Variants in EMC10 observed in about 807,000 individuals in gnomAD.
The protein encoded by EMC10 is ER membrane protein complex subunit 10.
EMC10 carries 40 observed loss-of-function variants against 32.2 expected under a neutral mutation model. The observed-to-expected ratio is 1.24, with a 90% CI of 0.96 to 1.61. The LOEUF (loss-of-function observed/expected upper bound fraction) is 1.61, where lower values mean the gene tolerates loss of function less well. Ranked by LOEUF, EMC10 falls within the 40% of genes most tolerant of loss-of-function variation. The pLI is 0.00. For missense variants in EMC10, 402 were observed against 357.7 expected (o/e 1.12, Z -1.00); for synonymous variants, 178 against 158.4 (o/e 1.12, Z -0.93).
rs1028222570 is a variant in EMC10 at position 50,488,047 on chromosome 19, C to G, written c.*5788C>G. The G allele has an allele frequency of 6.6e-6, 1 of 152,338 alleles. No homozygotes were observed. Among genetic ancestry groups the G allele is most frequent in the Non-Finnish European group, 1.5e-5 (1 of 68,358 alleles). 9.4% of individuals were successfully genotyped at this position (152,338 alleles called of 1,614,324 possible). On this transcript the variant is annotated 3_prime_UTR_variant, in exon 7 of 7. Transcript: ENST00000334976. ...GTGGCTCACGCCTGTAATCCCAGCA[C>G]TTTGGGAGGCCAAGGCAGGCAGATC...
chr19:50,480,819 G>A lies in EMC10; in HGVS notation c.584+57G>A, dbSNP rs528586712. 2.6e-6 allele frequency: 4 copies of A among 1,565,810 alleles called. No individual in the cohort carries two copies. Among genetic ancestry groups the A allele is most frequent in the Middle Eastern group, 1.7e-4 (1 of 5,812 alleles). ...CCACCTGCCCCGGCCCTTCCTGGCG[G>A]CCTCAGGGTCTCCAGGTCCCTGGAC... On this transcript the variant is annotated intron_variant, in intron 5 of 6. Transcript: ENST00000334976. This position sits in a 1 kb window ranked among gnomAD's most constrained non-coding sequence, Gnocchi z 4.4.
chr19:50,477,842 C>T, intron 1 of EMC10, 87 bp from the exon 2 acceptor site: 1 of 1,025,100 alleles, frequency 9.8e-7, no homozygotes, highest in Middle Eastern at 2.8e-4. Flanking sequence ...CCTCAGCCCA[C>T]CAGTCTGTCT....
At position 50,480,549 on chromosome 19, in the gene EMC10, C is replaced by T. The variant is rs1291392969; in HGVS notation, c.403-32C>T. 1 of 1,546,586 alleles carries T rather than the reference C, an allele frequency of 6.5e-7. No individual in the cohort carries two copies. The highest frequency in any genetic ancestry group is 2.0e-5 in the Admixed American group (1 of 50,526). ...TAGGGTGGAGCCCAGGCAGCAGGCT[C>T]CCCACCTCCACTGACCCCACTCCCC... On this transcript the variant is annotated intron_variant, in intron 4 of 6. Coordinates refer to ENST00000334976, the MANE Select transcript of EMC10 (RefSeq NM_206538.4). The surrounding 1 kb of genome is among the most constrained non-coding windows in gnomAD (Gnocchi z 4.4).
Position 50,483,257 on chromosome 19 carries a change from A to G in EMC10, c.*998A>G. On this transcript the variant is annotated 3_prime_UTR_variant, in exon 7 of 7. Coordinates refer to ENST00000334976, the MANE Select transcript of EMC10 (RefSeq NM_206538.4). The stretch of plus-strand genomic sequence containing the variant: ...TGCTCACTTGATACGTTATTCAGAA[A>G]CCCAAGGAATGGCTGTCCCCATCCT... The G allele has an allele frequency of 2.6e-6, 1 of 388,240 alleles. No individual in the cohort carries two copies. The allele number at this position is 388,240 out of a possible 1,614,324, so 24.0% of individuals were successfully genotyped here.
chr19:50,476,790 C>T, intron 1 of EMC10, 132 bp downstream of exon 1: 1 of 621,262 alleles, frequency 1.6e-6, no homozygotes, highest in East Asian at 3.3e-5. Flanking sequence ...CCTGGAAAGC[C>T]AGGCCTCAGT....
intron 2 of EMC10, 24 bp downstream of exon 2, chr19:50,478,025 T>C (rs778099678): frequency 6.3e-7 from 1 of 1,582,028 alleles, no homozygotes; most frequent in Non-Finnish European, 8.6e-7. Flanking sequence ...CGTCCTCTCC[T>C]AGACACTTAA....
intron 1 of EMC10, among the ~76,000 whole-genome samples, chr19:50,477,652 T>G (rs761889513): frequency 2.6e-5 from 4 of 152,102 alleles, no homozygotes; most frequent in Non-Finnish European, 5.9e-5. Context: ...CTCATGAGTA[T>G]TTGTGGCGCA....
intron 2 of EMC10, among the ~76,000 whole-genome samples, chr19:50,478,354 T>G (rs2040263465): frequency 6.6e-6 from 1 of 152,142 alleles, no homozygotes; most frequent in Non-Finnish European, 1.5e-5. Flanking sequence ...GTCAGCCCCT[T>G]TTTCCAGAAG....
intron 6 of EMC10, chr19:50,481,738 G>C (rs1387819572): frequency 1.3e-6 from 1 of 794,932 alleles, no homozygotes; most frequent in Non-Finnish European, 1.9e-6. Flanking sequence ...CTGAGGCCCA[G>C]AGGCTGAGCC....
At position 50,484,539 on chromosome 19, in the gene EMC10, G is replaced by C. The variant is rs765758553; in HGVS notation, c.*2280G>C. On this transcript the variant is annotated 3_prime_UTR_variant, in exon 7 of 7. Coordinates refer to ENST00000334976, the MANE Select transcript of EMC10 (RefSeq NM_206538.4). The stretch of plus-strand genomic sequence containing the variant: ...CTGTTGGGTATTCCAGGAAATGCCT[G>C]AGCTCCTTCAGGCTCCCCTAGCGTT... The C allele has an allele frequency of 2.0e-5, 3 of 152,186 alleles. No homozygotes were observed. Among genetic ancestry groups the C allele is most frequent in the Non-Finnish European group, 2.9e-5 (2 of 68,054 alleles). 9.4% of individuals were successfully genotyped at this position (152,186 alleles called of 1,614,324 possible). A position where few individuals can be genotyped will look rare whatever the true frequency, so the allele number is the denominator to read the frequency against.
Position 50,480,493 on chromosome 19 carries a change from C to G in EMC10, c.403-88C>G, listed in dbSNP as rs893501716. The G allele has an allele frequency of 6.9e-7, 1 of 1,449,574 alleles. No individual in the cohort carries two copies. Among genetic ancestry groups the G allele is most frequent in the African/African-American group, 1.4e-5 (1 of 70,372 alleles). 89.8% of individuals were successfully genotyped at this position (1,449,574 alleles called of 1,614,324 possible). A position where few individuals can be genotyped will look rare whatever the true frequency, so the allele number is the denominator to read the frequency against. Reference sequence around the variant, plus strand: ...CATGGGAAGGTTTTGAAAAATGCTCCGGGGGTCCTGTGGTGGGGGCCGGGG... The same window carrying G: ...CATGGGAAGGTTTTGAAAAATGCTCGGGGGGTCCTGTGGTGGGGGCCGGGG... On this transcript the variant is annotated intron_variant, in intron 4 of 6. Transcript: ENST00000334976. The surrounding 1 kb of genome is among the most constrained non-coding windows in gnomAD (Gnocchi z 4.4).
intron 3 of EMC10, 122 bp downstream of exon 3, chr19:50,479,188 A>G: frequency 1.4e-6 from 1 of 694,180 alleles, no homozygotes; most frequent in Non-Finnish European, 2.5e-6. Context: ...TCCCAGCACC[A>G]CCTGCCACTC....
intron 6 of EMC10, chr19:50,481,677 G>C (rs1443402672): frequency 8.5e-6 from 5 of 585,126 alleles, no homozygotes; most frequent in South Asian, 2.1e-5. Flanking sequence ...TGCCCTGCCT[G>C]AGGGCCTCAC....
chr19:50,487,508 TGGAAAA>T lies in EMC10; in HGVS notation c.*5254_*5259del, dbSNP rs1248240212. ...GGCAGTGTCCAGAGTTCCGGACAGA[TGGAAAA>T]GGAAGAGAGAATGGGTGTCACAAAG... On this transcript the variant is annotated 3_prime_UTR_variant, in exon 7 of 7. Coordinates refer to ENST00000334976, the MANE Select transcript of EMC10 (RefSeq NM_206538.4). 2.6e-5 allele frequency: 4 copies of T among 152,226 alleles called. No individual in the cohort carries two copies. Among genetic ancestry groups the T allele is most frequent in the Non-Finnish European group, 4.4e-5 (3 of 68,144 alleles). 9.4% of individuals were successfully genotyped at this position (152,226 alleles called of 1,614,324 possible).
At chr19:50,479,118 C>T (rs748938176) in intron 3 of EMC10, 52 bp downstream of exon 3, 11 of 1,437,472 alleles carry the variant, frequency 7.7e-6, no homozygotes, top group Non-Finnish European at 1.1e-5. Context: ...GGGTTTCCAG[C>T]TGTCTCTTCA....
rs749426713 is a variant in EMC10, at chr19:50,482,220, G to T, written c.750G>T (p.Gly250=). ...SGAPDTGGQG[G]GGGGGGGGGS... is the part of the protein sequence containing the mutation. ...CGCCAGACACCGGGGGCCAGGGTGG[G>T]GGTGGGGGTGGGGGTGGTGGTGGGG... is the stretch of plus-strand genomic sequence containing the variant. Residue 250 remains glycine, a synonymous_variant, in exon 7 of 7, where the codon GGG becomes GGT. Transcript: ENST00000334976. 1.2e-5 allele frequency: 13 copies of T among 1,125,358 alleles called. No homozygotes were observed. The African/African-American group carries it at 1.4e-4, about 12-fold the overall frequency. 69.7% of individuals were successfully genotyped at this position (1,125,358 alleles called of 1,614,324 possible). A position where few individuals can be genotyped will look rare whatever the true frequency, so the allele number is the denominator to read the frequency against.
chr19:50,489,127 G>A lies in EMC10; in HGVS notation c.*6868G>A, dbSNP rs1376912154. ...AAGGGAAGTTAAGAAGGGAAGGAGA[G>A]AGACAGACATTAGGGAAGAAGGAAA... On this transcript the variant is annotated 3_prime_UTR_variant, in exon 7 of 7. Coordinates refer to ENST00000334976, the MANE Select transcript of EMC10 (RefSeq NM_206538.4). 6.6e-6 allele frequency: 1 copy of A among 151,382 alleles called. No homozygotes were observed. The highest frequency in any genetic ancestry group is 1.5e-5 in the Non-Finnish European group (1 of 68,030). 9.4% of individuals were successfully genotyped at this position (151,382 alleles called of 1,614,324 possible). A position where few individuals can be genotyped will look rare whatever the true frequency, so the allele number is the denominator to read the frequency against.
intron 2 of EMC10, 59 bp from the exon 3 acceptor site, chr19:50,478,898 C>T: frequency 7.4e-7 from 1 of 1,347,320 alleles, no homozygotes; most frequent in Non-Finnish European, 1.0e-6. Flanking sequence ...CTCCTGGCCC[C>T]TGCCTGGGTT....
At position 50,478,950 on chromosome 19, in the gene EMC10, C is replaced by G; in HGVS notation, c.188-7C>G. 1 of 1,597,320 alleles carries G rather than the reference C, an allele frequency of 6.3e-7. No individual in the cohort carries two copies. On this transcript the variant is annotated splice_region_variant and splice_polypyrimidine_tract_variant and intron_variant, in intron 2 of 6. Transcript: ENST00000334976. ...AGGGGGCGTCTCTGAACCTGAGCTC[C>G]TCACAGATGACAGTGCCAACTTCCG...
Sources: gnomAD v4.1 joint callset for allele counts (sites outside exome capture counted in the v4.1 genomes callset) on GRCh38, gnomAD v4.1.1 for gene constraint, Gnocchi (gnomAD v3.1) non-coding constraint, MANE v1.5 for transcripts, NCBI Gene and HGNC (gene_info 2026-07-23, HGNC 2026-07-21) for gene names.